The following CCDC141 variants were observed in gnomAD, a reference collection of about 807,000 sequenced individuals.
CCDC141 encodes coiled-coil domain containing 141.
CCDC141 carries 168 observed loss-of-function variants against 181.0 expected under a neutral mutation model. The ratio of observed to expected loss-of-function variants is 0.93; its 90% CI spans 0.82 to 1.05. The LOEUF is 1.05. Among genes scored for constraint, CCDC141 ranks in the 50% least tolerant of loss-of-function variants. The pLI, the probability that CCDC141 is intolerant of heterozygous loss-of-function variation, is 0.00. For missense variants in CCDC141, 1,902 were observed against 1,788.5 expected, an observed-to-expected ratio of 1.06 and a Z score of -1.14; for synonymous variants, 666 against 642.3, an observed-to-expected ratio of 1.04 and a Z score of -0.56.
At chr2:179,015,086 A>ACATATATAT (rs2042403020) in intron 2 of CCDC141, among the ~76,000 whole-genome samples, 1 of 42,204 alleles carries the variant, frequency 2.4e-5, no homozygotes, top group African/African-American at 7.3e-5. Context: ...ATATATATAT[A>ACATATATAT]TATATATATA....
rs143897500 is a variant in CCDC141 at position 178,912,340 on chromosome 2, G to C, written c.1092+6373C>G. 9.5e-3 allele frequency among the ~76,000 whole-genome samples: 1,447 copies of C among 152,230 alleles called. 10 individuals carry two copies. Among genetic ancestry groups the C allele is most frequent in the Middle Eastern group, 0.024 (7 of 294 alleles). ...ATCCATTGACAGCTTAAATGTGAAAGGTATTCATGAGTGAGGACAATAAAA... is the reference window on the plus strand; with the variant it reads ...ATCCATTGACAGCTTAAATGTGAAACGTATTCATGAGTGAGGACAATAAAA... On this transcript the variant is annotated intron_variant, in intron 7 of 23. Coordinates refer to ENST00000443758, the MANE Select transcript of CCDC141 (RefSeq NM_173648.4).
In CCDC141 at chr2:178,902,375, C is replaced by T. The variant is rs187630411; in HGVS notation, c.1265+2954G>A. Reference sequence around the variant, plus strand: ...AAACTATACTACAAGTCTACAGTAACCAAAACAGCATTTTACTGGTACCAA... The same window carrying T: ...AAACTATACTACAAGTCTACAGTAATCAAAACAGCATTTTACTGGTACCAA... On this transcript the variant is annotated intron_variant, in intron 8 of 23. Coordinates refer to ENST00000443758, the MANE Select transcript of CCDC141 (RefSeq NM_173648.4). 1.8e-3 allele frequency among the ~76,000 whole-genome samples: 281 copies of T among 152,298 alleles called. 2 individuals are homozygous for T. Among genetic ancestry groups the T allele is most frequent in the East Asian group, 0.015 (79 of 5,182 alleles).
At chr2:178,847,301 G>A (rs930511107) in intron 21 of CCDC141, among the ~76,000 whole-genome samples, 9 of 152,072 alleles carry the variant, frequency 5.9e-5, no homozygotes, top group East Asian at 1.9e-4. Flanking sequence ...AGGCCAAGGC[G>A]GAAAGATCAC....
In CCDC141 at chr2:178,986,077, T is replaced by G. The variant is rs543966529; in HGVS notation, c.226-7402A>C. ...GATGCAAAAATCCTCAATAAAATAC[T>G]GGCAAACCGAATCCAGCAGCACATC... On this transcript the variant is annotated intron_variant, in intron 2 of 23. Transcript: ENST00000443758. 1.7e-3 allele frequency among the ~76,000 whole-genome samples: 266 copies of G among 152,298 alleles called. 5 individuals carry two copies. In the South Asian group the frequency reaches 0.023, roughly 13 times the overall value.
At chr2:178,967,547 T>C (rs1432315464) in intron 4 of CCDC141, among the ~76,000 whole-genome samples, 1 of 152,118 alleles carries the variant, frequency 6.6e-6, no homozygotes, top group Non-Finnish European at 1.5e-5. Flanking sequence ...TGCTGAGAGA[T>C]TTTGTCACCA....
At chr2:178,962,461 T>C (rs538438151) in intron 4 of CCDC141, among the ~76,000 whole-genome samples, 2 of 152,324 alleles carry the variant, frequency 1.3e-5, no homozygotes, top group South Asian at 2.1e-4. Flanking sequence ...GTCCTCACCA[T>C]GGAAAGCATC....
chr2:178,837,182 C>T lies in CCDC141; in HGVS notation c.4037G>A (p.Arg1346Gln), dbSNP rs775590085. The change falls in exon 23 of 24, where the codon CGG becomes CAG. Residue 1346 changes from arginine (R) to glutamine (Q), a missense_variant. Physicochemically the swap from Arg to Gln is conservative, Grantham distance 43 (BLOSUM62 1). Transcript: ENST00000443758. ...PQAQGGLLETREKMHADNNFT... is the reference protein window; with the variant it reads ...PQAQGGLLETQEKMHADNNFT... ...GTTATTATCAGCATGCATTTTCTCC[C>T]GTGTTTCTAGCAAACCACCCTGAGC... 4.3e-6 allele frequency: 7 copies of T among 1,613,890 alleles called. No homozygotes were observed. Among genetic ancestry groups the T allele is most frequent in the Admixed American group, 3.3e-5 (2 of 59,994 alleles).
At chr2:178,948,969 A>C (rs1437036931) in intron 5 of CCDC141, among the ~76,000 whole-genome samples, 1 of 152,234 alleles carries the variant, frequency 6.6e-6, no homozygotes, top group East Asian at 1.9e-4. Context: ...CATTGGCTAC[A>C]TTCATTGGCT....
intron 20 of CCDC141, among the ~76,000 whole-genome samples, chr2:178,852,267 T>TG (rs773527094): frequency 1.8e-4 from 27 of 152,318 alleles, no homozygotes; most frequent in Admixed American, 5.2e-4. Flanking sequence ...GCACTTCTCA[T>TG]GCTCTGAGAT....
chr2:178,878,208 A>G (rs1686434022), intron 11 of CCDC141, 65 bp from the exon 12 acceptor site: 1 of 1,064,636 alleles, frequency 9.4e-7, no homozygotes, highest in South Asian at 1.8e-5. Context: ...AGAACAGTAG[A>G]TTCCAATAAA....
At chr2:179,024,658 G>A (rs948545205) in intron 2 of CCDC141, among the ~76,000 whole-genome samples, 1 of 152,188 alleles carries the variant, frequency 6.6e-6, no homozygotes, top group Admixed American at 6.5e-5. Flanking sequence ...TTTCCTCATT[G>A]TCAGAGCTCA....
the CCDC141 span, among the ~76,000 whole-genome samples, chr2:178,824,188 A>G: frequency 6.6e-6 from 1 of 152,168 alleles, no homozygotes; most frequent in Admixed American, 6.5e-5. Context: ...GATTAAGTTA[A>G]CCAACAATTT....
At chr2:178,855,148 A>G (rs1305091805) in intron 19 of CCDC141, among the ~76,000 whole-genome samples, 199 bp downstream of exon 19, 1 of 152,192 alleles carries the variant, frequency 6.6e-6, no homozygotes, top group African/African-American at 2.4e-5. Context: ...GACCAATAAA[A>G]TCAAAGACCT....
intron 2 of CCDC141, among the ~76,000 whole-genome samples, chr2:179,006,640 C>A (rs1237933594): frequency 1.3e-5 from 2 of 152,150 alleles, no homozygotes; most frequent in African/African-American, 4.8e-5. Flanking sequence ...TTTTGTCTAA[C>A]ACATTTCGTA....
chr2:178,925,172 T>C (rs1269183359), intron 6 of CCDC141, among the ~76,000 whole-genome samples: 2 of 152,226 alleles, frequency 1.3e-5, no homozygotes, highest in Admixed American at 1.3e-4. Context: ...GTGACAGATA[T>C]CACCAAATTA....
At chr2:178,928,509 A>C (rs1341053120) in intron 6 of CCDC141, among the ~76,000 whole-genome samples, 1 of 152,228 alleles carries the variant, frequency 6.6e-6, no homozygotes, top group Admixed American at 6.5e-5. Flanking sequence ...TATTAACTGT[A>C]AAAAGCCATG....
intron 20 of CCDC141, among the ~76,000 whole-genome samples, chr2:178,851,074 C>T (rs1398917359): frequency 6.6e-6 from 1 of 151,954 alleles, no homozygotes; most frequent in East Asian, 1.9e-4. Context: ...GGTGTGGTGG[C>T]ACATGCCTGT....
At chr2:178,855,709 C>A (rs1302193716) in intron 18 of CCDC141, among the ~76,000 whole-genome samples, 168 bp from the exon 19 acceptor site, 1 of 152,180 alleles carries the variant, frequency 6.6e-6, no homozygotes, top group Non-Finnish European at 1.5e-5. Flanking sequence ...CCCCCAAATT[C>A]TATTGATTTA....
At chr2:178,998,227 ATCCTCT>A (rs1304314276) in intron 2 of CCDC141, among the ~76,000 whole-genome samples, 1 of 152,070 alleles carries the variant, frequency 6.6e-6, no homozygotes, top group Non-Finnish European at 1.5e-5. Context: ...AGTGCTCCTT[ATCCTCT>A]ATTAAAGCTA....
Sources: gnomAD v4.1 joint callset for allele counts (sites outside exome capture counted in the v4.1 genomes callset) on GRCh38, gnomAD v4.1.1 for gene constraint, MANE v1.5 for transcripts, NCBI Gene and HGNC (gene_info 2026-07-23, HGNC 2026-07-21) for gene names.